The following LIMA1 variants were observed in gnomAD, a reference collection of about 807,000 sequenced individuals.
LIMA1 encodes LIM domain and actin binding 1, also known as LIM domain and actin-binding protein 1.
A neutral mutation model predicts 62.6 loss-of-function variants in LIMA1; 52 were observed. That is an observed-to-expected ratio of 0.83 (90% CI 0.67 to 1.05). The LOEUF (loss-of-function observed/expected upper bound fraction) is 1.05, where lower values mean the gene tolerates loss of function less well. Among genes scored for constraint, LIMA1 ranks in the 50% least tolerant of loss-of-function variants. The pLI is 0.00. For synonymous variants in LIMA1, 302 were observed against 317.8 expected (o/e 0.95, Z 0.53); for missense variants, 780 against 902.2 (o/e 0.86, Z 1.74).
At chr12:50,241,933 A>ATTTTTTTTTTTTTTTTTTT (rs577308413) in intron 2 of LIMA1, among the ~76,000 whole-genome samples, 1 of 36,406 alleles carries the variant, frequency 2.7e-5, no homozygotes, top group Non-Finnish European at 4.9e-5. Flanking sequence ...TCCTTCCCAG[A>ATTTTTTTTTTTTTTTTTTT]TTTTTTTTTT....
At chr12:50,241,513 A>G (rs1941775792) in intron 2 of LIMA1, among the ~76,000 whole-genome samples, 1 of 152,178 alleles carries the variant, frequency 6.6e-6, no homozygotes, top group South Asian at 2.1e-4. Flanking sequence ...TCCCATCTTT[A>G]GCCTTGTCCT....
At chr12:50,274,163 GCAAAA>G (rs1403423859) in intron 1 of LIMA1, among the ~76,000 whole-genome samples, 5 of 152,140 alleles carry the variant, frequency 3.3e-5, no homozygotes, top group African/African-American at 7.2e-5. Flanking sequence ...ACTTTGGATT[GCAAAA>G]CAAAACAAGA....
intron 4 of LIMA1, among the ~76,000 whole-genome samples, chr12:50,210,870 T>C (rs538563206): frequency 1.3e-5 from 2 of 151,970 alleles, no homozygotes; most frequent in Non-Finnish European, 2.9e-5. Context: ...CAGAGAAAAA[T>C]AGGAAGAGAA....
At chr12:50,219,867 G>T (rs1941411991) in intron 4 of LIMA1, 1 of 151,950 alleles carries the variant, frequency 6.6e-6, no homozygotes, top group Non-Finnish European at 1.5e-5. Flanking sequence ...TAAATTTTTA[G>T]TAGAGACGAG....
intron 1 of LIMA1, among the ~76,000 whole-genome samples, chr12:50,267,992 T>TATCTC (rs1440778328): frequency 5.3e-5 from 8 of 152,166 alleles, no homozygotes; most frequent in African/African-American, 1.9e-4. Context: ...AATTGTTTAT[T>TATCTC]ATCTCTACAA....
At chr12:50,252,029 A>G (rs1592556285) in intron 1 of LIMA1, among the ~76,000 whole-genome samples, 1 of 152,366 alleles carries the variant, frequency 6.6e-6, no homozygotes. Context: ...AATGGTGTAC[A>G]TAATCTACTG....
chr12:50,235,109 A>G (rs531415394), intron 2 of LIMA1, among the ~76,000 whole-genome samples: 206 of 151,664 alleles, frequency 1.4e-3, no homozygotes, highest in Non-Finnish European at 2.5e-3. Context: ...ATTTAAAAAA[A>G]TTTTTTTTAG....
intron 8 of LIMA1, among the ~76,000 whole-genome samples, chr12:50,194,917 G>A (rs547810413): frequency 6.6e-6 from 1 of 152,144 alleles, no homozygotes; most frequent in African/African-American, 2.4e-5. Context: ...GCATGGTGGT[G>A]TGCGCCTGTA....
At chr12:50,244,013 C>A (rs1384423162) in intron 2 of LIMA1, among the ~76,000 whole-genome samples, 1 of 151,990 alleles carries the variant, frequency 6.6e-6, no homozygotes, top group African/African-American at 2.4e-5. Flanking sequence ...CTCCCAGGCT[C>A]CAGTGATTCT....
rs570039008 is a variant in LIMA1, at chr12:50,198,446, T to C, written c.972+2331A>G. Among the ~76,000 whole-genome samples, 35 of 152,280 alleles carry C rather than the reference T, an allele frequency of 2.3e-4. No individual in the cohort carries two copies. The South Asian group carries it at 4.6e-3, about 20-fold the overall frequency. On this transcript the variant is annotated intron_variant, in intron 7 of 10. Transcript: ENST00000341247. The stretch of plus-strand genomic sequence containing the variant: ...GTGCACACCTGTAGTCCCAGCCACT[T>C]GGGAGGCTGAGGCAGGAAGATCACT...
intron 3 of LIMA1, chr12:50,224,501 C>G (rs1223006608): frequency 6.6e-6 from 1 of 152,210 alleles, no homozygotes; most frequent in African/African-American, 2.4e-5. Context: ...ACTCTTGGCT[C>G]TGTAAGGTCT....
intron 2 of LIMA1, among the ~76,000 whole-genome samples, chr12:50,232,275 T>C (rs142499344): frequency 0.011 from 1,663 of 150,862 alleles, 27 homozygotes; most frequent in African/African-American, 0.036. Flanking sequence ...TTGCCTAGGC[T>C]GGTCTCAAAC....
At chr12:50,248,486 T>C (rs892423819) in intron 2 of LIMA1, 147 bp downstream of exon 2, 11 of 548,190 alleles carry the variant, frequency 2.0e-5, no homozygotes, top group African/African-American at 1.3e-4. Flanking sequence ...TCCTCCTCCT[T>C]CTCCACAGTA....
chr12:50,227,262 G>A (rs1402449561), intron 3 of LIMA1, among the ~76,000 whole-genome samples: 1 of 106,418 alleles, frequency 9.4e-6, no homozygotes, highest in African/African-American at 3.7e-5. Flanking sequence ...TTTTTGAGAT[G>A]GAGTCTTGCT....
chr12:50,250,443 T>C (rs1465956117), intron 1 of LIMA1, among the ~76,000 whole-genome samples: 1 of 151,150 alleles, frequency 6.6e-6, no homozygotes, highest in African/African-American at 2.4e-5. Flanking sequence ...AAATTAAAAA[T>C]TAGCTGGGCG....
chr12:50,248,455 T>A (rs1416414117), intron 2 of LIMA1, among the ~76,000 whole-genome samples, 178 bp downstream of exon 2: 2 of 152,228 alleles, frequency 1.3e-5, no homozygotes, highest in African/African-American at 4.8e-5. Context: ...AAGAATAGAA[T>A]GTATCTTCTG....
chr12:50,222,747 A>C, intron 3 of LIMA1: 1 of 1,237,668 alleles, frequency 8.1e-7, no homozygotes, highest in Non-Finnish European at 1.0e-6. Flanking sequence ...AATGAGAAGA[A>C]AGGCAAACCC....
intron 6 of LIMA1, 130 bp from the exon 7 acceptor site, chr12:50,201,014 C>T (rs557155764): frequency 2.1e-6 from 3 of 1,445,498 alleles, no homozygotes; most frequent in African/African-American, 2.9e-5. Context: ...AATCAACCCC[C>T]TAACTCTCAC....
At chr12:50,280,170 T>TG (rs1942323007) in intron 1 of LIMA1, among the ~76,000 whole-genome samples, 1 of 142,976 alleles carries the variant, frequency 7.0e-6, no homozygotes, top group Admixed American at 6.9e-5. Flanking sequence ...TTTTTTTTTT[T>TG]TTGAGACGGA....
Sources: gnomAD v4.1 joint callset for allele counts (sites outside exome capture counted in the v4.1 genomes callset) on GRCh38, gnomAD v4.1.1 for gene constraint, MANE v1.5 for transcripts, NCBI Gene and HGNC (gene_info 2026-07-23, HGNC 2026-07-21) for gene names.